The following ITGAM variants were observed in gnomAD, a reference collection of about 807,000 sequenced individuals.
The protein encoded by ITGAM is integrin alpha-M.
A neutral mutation model predicts 137.5 loss-of-function variants in ITGAM; 79 were observed. That is an observed-to-expected ratio of 0.57 (90% CI 0.48 to 0.69). The LOEUF (loss-of-function observed/expected upper bound fraction) is 0.69, where lower values mean the gene tolerates loss of function less well. Ranked by LOEUF, ITGAM falls within the 30% of genes least tolerant of loss-of-function variation. The pLI is 0.00. For missense variants in ITGAM, 1,343 were observed against 1,483.5 expected (o/e 0.91, Z 1.56); for synonymous variants, 583 against 592.3 (o/e 0.98, Z 0.23).
intron 5 of ITGAM, among the ~76,000 whole-genome samples, chr16:31,269,690 C>A (rs1249237819): frequency 6.6e-6 from 1 of 152,146 alleles, no homozygotes; most frequent in African/African-American, 2.4e-5. Flanking sequence ...AAGCCCTGGG[C>A]AAGCAGGTCT....
chr16:31,287,686 T>C (rs760845691), intron 12 of ITGAM, among the ~76,000 whole-genome samples: 1 of 152,218 alleles, frequency 6.6e-6, no homozygotes, highest in Non-Finnish European at 1.5e-5. Flanking sequence ...AATTAATGCA[T>C]TGTATGGGGA....
chr16:31,271,997 G>T lies in ITGAM; in HGVS notation c.704+5G>T. On this transcript the variant is annotated splice_donor_5th_base_variant and intron_variant, in intron 7 of 29. Coordinates refer to ENST00000544665, the MANE Select transcript of ITGAM (RefSeq NM_000632.4). ...CACGGGCATCCGCAAAGTGGTGTAA[G>T]CTTCCCCTTTTCCCTTAGGATGGAG... The T allele has an allele frequency of 1.2e-6, 2 of 1,614,004 alleles. No individual in the cohort carries two copies. Among genetic ancestry groups the T allele is most frequent in the Non-Finnish European group, 1.7e-6 (2 of 1,179,886 alleles).
chr16:31,302,497 T>TC (rs1567268151), intron 14 of ITGAM, among the ~76,000 whole-genome samples: 1 of 144,144 alleles, frequency 6.9e-6, no homozygotes, highest in African/African-American at 2.8e-5. Context: ...TTTCTTTCCT[T>TC]CTTTCTTTCT....
At chr16:31,296,174 G>A (rs1415704487) in intron 12 of ITGAM, among the ~76,000 whole-genome samples, 3 of 148,506 alleles carry the variant, frequency 2.0e-5, no homozygotes, top group Non-Finnish European at 4.4e-5. Context: ...GCGTTATCTC[G>A]GCTCACTGCA....
intron 14 of ITGAM, among the ~76,000 whole-genome samples, chr16:31,298,972 T>A (rs1041255481): frequency 7.2e-5 from 11 of 152,288 alleles, no homozygotes; most frequent in Admixed American, 5.2e-4. Context: ...TCTGGTTCCA[T>A]CTTCCCTGTT....
At chr16:31,287,242 G>A (rs1391561150) in intron 12 of ITGAM, among the ~76,000 whole-genome samples, 2 of 152,020 alleles carry the variant, frequency 1.3e-5, no homozygotes, top group Admixed American at 6.6e-5. Context: ...TGGTCTATGT[G>A]TCTGTCTTTG....
intron 9 of ITGAM, among the ~76,000 whole-genome samples, chr16:31,276,254 C>T (rs954056977): frequency 1.3e-5 from 2 of 152,224 alleles, no homozygotes; most frequent in African/African-American, 2.4e-5. Context: ...CAGATCCTGT[C>T]GGAGTCTCCT....
At chr16:31,326,358 G>T (rs374721393) in intron 21 of ITGAM, among the ~76,000 whole-genome samples, 1 of 152,034 alleles carries the variant, frequency 6.6e-6, no homozygotes, top group Non-Finnish European at 1.5e-5. Flanking sequence ...ACTTAGCAAG[G>T]ATCATTCATG....
chr16:31,265,927 G>C, intron 4 of ITGAM, 46 bp downstream of exon 4: 1 of 1,603,216 alleles, frequency 6.2e-7, no homozygotes, highest in South Asian at 1.1e-5. Context: ...GGGTGTTTGG[G>C]GGCCCACGCA....
At chr16:31,297,998 T>A (rs1209978678) in intron 14 of ITGAM, 44 bp downstream of exon 14, 1 of 1,494,232 alleles carries the variant, frequency 6.7e-7, no homozygotes, top group Admixed American at 1.7e-5. Context: ...AGCCTCTTTG[T>A]TGATCTTTCT....
intron 22 of ITGAM, among the ~76,000 whole-genome samples, chr16:31,327,367 G>C (rs2080518650): frequency 6.6e-6 from 1 of 151,370 alleles, no homozygotes; most frequent in African/African-American, 2.4e-5. Context: ...CAAAACAATT[G>C]CTCGAACCCA....
intron 14 of ITGAM, among the ~76,000 whole-genome samples, chr16:31,310,027 G>A (rs556725679): frequency 2.6e-5 from 4 of 151,124 alleles, no homozygotes; most frequent in African/African-American, 9.7e-5. Flanking sequence ...GAGAAAGTTC[G>A]GGTTACCCAC....
At position 31,270,725 on chromosome 16, in the gene ITGAM, A is replaced by G. The variant is rs369966598; in HGVS notation, c.428-229A>G. Reference sequence around the variant, plus strand: ...TATATATATATATATATATATATATATATATATATATATATATATGTTTTT... The same window carrying G: ...TATATATATATATATATATATATATGTATATATATATATATATATGTTTTT... On this transcript the variant is annotated intron_variant, in intron 5 of 29. Transcript: ENST00000544665. Among the ~76,000 whole-genome samples, 140 of 108,542 alleles carry G rather than the reference A, an allele frequency of 1.3e-3. 7 individuals carry two copies. The East Asian group carries it at 0.015, about 12-fold the overall frequency. 71.2% of individuals were successfully genotyped at this position (108,542 alleles called of 152,430 possible).
At chr16:31,303,020 C>T (rs2080231479) in intron 14 of ITGAM, among the ~76,000 whole-genome samples, 1 of 131,146 alleles carries the variant, frequency 7.6e-6, no homozygotes, top group Non-Finnish European at 1.6e-5. Context: ...CTTTCTTTCT[C>T]TCTGTTTCTT....
At chr16:31,277,085 G>T in intron 11 of ITGAM, 36 bp downstream of exon 11, 1 of 1,574,546 alleles carries the variant, frequency 6.4e-7, no homozygotes, top group Non-Finnish European at 8.6e-7. Flanking sequence ...CTAAGAAGGG[G>T]TGAGGATTTG....
At position 31,325,026 on chromosome 16, in the gene ITGAM, C is replaced by T. The variant is rs932734268; in HGVS notation, c.2358C>T (p.Phe786=). 6 of 1,612,126 alleles carry T rather than the reference C, an allele frequency of 3.7e-6. No individual in the cohort carries two copies. Among genetic ancestry groups the T allele is most frequent in the Non-Finnish European group, 5.1e-6 (6 of 1,178,978 alleles). ...CQDDLSITFS[F]MSLDCLVVGG... ...ATGACCTCAGCATCACCTTCAGTTTCATGAGGTGAGTTTCCTTTCCTCCTC... is the reference window on the plus strand; with the variant it reads ...ATGACCTCAGCATCACCTTCAGTTTTATGAGGTGAGTTTCCTTTCCTCCTC... The change falls in exon 19 of 30, where the codon TTC becomes TTT. Residue 786 remains phenylalanine (F), a synonymous_variant. Coordinates refer to ENST00000544665, the MANE Select transcript of ITGAM (RefSeq NM_000632.4).
chr16:31,305,654 G>A (rs1344828459), intron 14 of ITGAM, among the ~76,000 whole-genome samples: 1 of 152,032 alleles, frequency 6.6e-6, no homozygotes, highest in East Asian at 1.9e-4. Flanking sequence ...TTTATTGAAA[G>A]CCTTTTTTTA....
At chr16:31,266,888 G>C (rs2144265257) in intron 5 of ITGAM, among the ~76,000 whole-genome samples, 1 of 138,922 alleles carries the variant, frequency 7.2e-6, no homozygotes, top group African/African-American at 2.7e-5. Context: ...TTTTTTTTGA[G>C]GCAGAGTCTC....
chr16:31,302,405 CTTT>C, intron 14 of ITGAM, among the ~76,000 whole-genome samples: 1 of 121,482 alleles, frequency 8.2e-6, no homozygotes, highest in African/African-American at 3.6e-5. Flanking sequence ...CTTTTCTTTT[CTTT>C]TTTCTTTCTT....
Sources: gnomAD v4.1 joint callset for allele counts (sites outside exome capture counted in the v4.1 genomes callset) on GRCh38, gnomAD v4.1.1 for gene constraint, MANE v1.5 for transcripts, NCBI Gene and HGNC (gene_info 2026-07-23, HGNC 2026-07-21) for gene names.